Variants in GALC observed in about 807,000 individuals in gnomAD.
GALC encodes galactocerebrosidase.
Under a neutral mutation model 91.8 loss-of-function variants are expected in GALC, and 77 were observed. That is an observed-to-expected ratio of 0.84 (90% CI 0.70 to 1.01). GALC has a LOEUF of 1.01. GALC is among the 50% of genes least tolerant of loss of function. The pLI, the probability that GALC is intolerant of heterozygous loss-of-function variation, is 0.00. For missense variants in GALC, 882 were observed against 855.9 expected (o/e 1.03, Z -0.38); for synonymous variants, 357 against 306.7 (o/e 1.16, Z -1.71).
chr14:87,993,561 C>T (rs1479918772), upstream of GALC: 4 of 1,227,556 alleles, frequency 3.3e-6, no homozygotes, highest in Non-Finnish European at 4.6e-6. Flanking sequence ...ATTCCATTGT[C>T]ATCTTGGTGG....
chr14:87,934,223 A>G lies in GALC; in HGVS notation c.*509T>C. 7.2e-7 allele frequency: 1 copy of G among 1,385,018 alleles called. No homozygotes were observed. Among genetic ancestry groups the G allele is most frequent in the Non-Finnish European group, 9.3e-7 (1 of 1,070,990 alleles). The allele number at this position is 1,385,018 out of a possible 1,614,324, so 85.8% of individuals were successfully genotyped here. On this transcript the variant is annotated 3_prime_UTR_variant, in exon 17 of 17. Coordinates refer to ENST00000261304, the MANE Select transcript of GALC (RefSeq NM_000153.4). Reference sequence around the variant, plus strand: ...AGGAAAATAAAAAAATACTTTTTAGAGCATAAAGCATAACAGGTTGAAGTG... The same window carrying G: ...AGGAAAATAAAAAAATACTTTTTAGGGCATAAAGCATAACAGGTTGAAGTG...
intron 14 of GALC, among the ~76,000 whole-genome samples, chr14:87,943,223 CCAAG>C (rs1884929366): frequency 6.6e-6 from 1 of 151,962 alleles, no homozygotes; most frequent in South Asian, 2.1e-4. Flanking sequence ...CAAATTTGAT[CCAAG>C]AGAGTTCATC....
intron 6 of GALC, among the ~76,000 whole-genome samples, chr14:87,978,252 T>C (rs1322146075): frequency 6.6e-6 from 1 of 152,188 alleles, no homozygotes; most frequent in Non-Finnish European, 1.5e-5. Context: ...GGTTTCTCCA[T>C]GTTGGTCAGG....
intron 10 of GALC, among the ~76,000 whole-genome samples, chr14:87,958,528 C>T (rs143098277): frequency 1.3e-5 from 2 of 152,164 alleles, no homozygotes; most frequent in Non-Finnish European, 2.9e-5. Context: ...AGACCACAAA[C>T]AGTCAATGCA....
Position 87,934,120 on chromosome 14 carries a change from A to G in GALC, c.*612T>C, listed in dbSNP as rs967897033. ...TATCTATTACTGCAGAAATAGTGTTAGAGGTAGTTTATTAAAGAGGCATTT... is the reference window on the plus strand; with the variant it reads ...TATCTATTACTGCAGAAATAGTGTTGGAGGTAGTTTATTAAAGAGGCATTT... On this transcript the variant is annotated 3_prime_UTR_variant, in exon 17 of 17. Coordinates refer to ENST00000261304, the MANE Select transcript of GALC (RefSeq NM_000153.4). 6.9e-7 allele frequency: 1 copy of G among 1,455,468 alleles called. No individual in the cohort carries two copies. The highest frequency in any genetic ancestry group is 2.5e-5 in the East Asian group (1 of 40,120). 90.2% of individuals were successfully genotyped at this position (1,455,468 alleles called of 1,614,324 possible). A position where few individuals can be genotyped will look rare whatever the true frequency, so the allele number is the denominator to read the frequency against.
At position 87,976,413 on chromosome 14, in the gene GALC, T is replaced by C. The variant is rs2140016220; in HGVS notation, c.697A>G (p.Ile233Val). 1 of 1,613,958 alleles carries C rather than the reference T, an allele frequency of 6.2e-7. No homozygotes were observed. Among genetic ancestry groups the C allele is most frequent in the Non-Finnish European group, 8.5e-7 (1 of 1,179,820 alleles). Residue 233 changes from isoleucine (I) to valine (V), a missense_variant, in exon 7 of 17, where the codon ATC (isoleucine) becomes GTC (valine). Coordinates refer to ENST00000261304, the MANE Select transcript of GALC (RefSeq NM_000153.4). The part of the protein sequence containing the change: ...IIASDNLWES[I>V]SASMLLDAEL... ...GCATCAAGGAGCATGGATGCAGAGA[T>C]GGACTCCCAGAGATTATCACTTGCT...
chr14:87,992,360 G>C (rs1887236464), intron 1 of GALC: 3 of 1,535,590 alleles, frequency 2.0e-6, no homozygotes, highest in Admixed American at 3.9e-5. Context: ...GGTAGTTTCA[G>C]GCCGCTCGCT....
At chr14:87,991,519 T>TA (rs1468427650) in intron 1 of GALC, among the ~76,000 whole-genome samples, 1 of 152,182 alleles carries the variant, frequency 6.6e-6, no homozygotes, top group African/African-American at 2.4e-5. Context: ...CTTAACTACT[T>TA]ACTGTACCAT....
rs1887244207 is a variant in GALC at position 87,992,460 on chromosome 14, T to TA, written c.195+509dup. 1.9e-5 allele frequency: 29 copies of TA among 1,534,304 alleles called. 1 individual carries two copies. In the South Asian group the frequency reaches 3.1e-4, roughly 16 times the overall value. On this transcript the variant is annotated intron_variant, in intron 1 of 16. Transcript: ENST00000261304. ...TACCCTCTCTGGAGGAGCCCATTCTTACCCTGCACTAACAACTGCACGGGA... is the reference window on the plus strand; with the variant it reads ...TACCCTCTCTGGAGGAGCCCATTCTTAACCCTGCACTAACAACTGCACGGGA...
chr14:87,974,279 T>A (rs1243471396), intron 7 of GALC, among the ~76,000 whole-genome samples: 2 of 152,104 alleles, frequency 1.3e-5, no homozygotes, highest in Non-Finnish European at 1.5e-5. Context: ...CAAATCCTAA[T>A]GAAAAGAAAG....
At position 87,933,776 on chromosome 14, in the gene GALC, A is replaced by T; in HGVS notation, c.*956T>A. On this transcript the variant is annotated 3_prime_UTR_variant, in exon 17 of 17. Coordinates refer to ENST00000261304, the MANE Select transcript of GALC (RefSeq NM_000153.4). ...TATATTTAAATATAAACATATTTGG[A>T]CTTTAAAAAGTAAGTACATCTTAGG... The T allele has an allele frequency of 2.0e-6, 1 of 508,126 alleles. No individual in the cohort carries two copies. The highest frequency in any genetic ancestry group is 3.5e-6 in the Non-Finnish European group (1 of 286,378). The allele number at this position is 508,126 out of a possible 1,614,324, so 31.5% of individuals were successfully genotyped here.
intron 10 of GALC, chr14:87,954,389 T>G (rs1885431444): frequency 2.5e-6 from 4 of 1,599,428 alleles, no homozygotes; most frequent in Non-Finnish European, 3.4e-6. Flanking sequence ...AGATCAACAT[T>G]ATGTGCTTGT....
chr14:87,978,867 C>T (rs995284901), intron 6 of GALC, among the ~76,000 whole-genome samples: 1 of 151,220 alleles, frequency 6.6e-6, no homozygotes, highest in South Asian at 2.1e-4. Flanking sequence ...CCCTTGTCAT[C>T]TTTATATAAA....
At chr14:87,993,385 C>T, upstream of GALC, 1 of 1,535,788 alleles carries the variant, frequency 6.5e-7, no homozygotes, top group Non-Finnish European at 8.7e-7. Flanking sequence ...GTACTTACTG[C>T]TGGCTTCTCT....
At chr14:87,956,681 G>C (rs1319735248) in intron 10 of GALC, among the ~76,000 whole-genome samples, 1 of 151,198 alleles carries the variant, frequency 6.6e-6, no homozygotes, top group Non-Finnish European at 1.5e-5. Flanking sequence ...GGGCACTTAG[G>C]TTGATTCCAT....
chr14:87,988,408 A>G, intron 2 of GALC, 47 bp downstream of exon 2: 1 of 1,408,914 alleles, frequency 7.1e-7, no homozygotes, highest in Non-Finnish European at 1.0e-6. Context: ...TCACCATCCA[A>G]TTTCTAAAAT....
At chr14:87,973,133 T>G (rs1178301458) in intron 7 of GALC, among the ~76,000 whole-genome samples, 1 of 152,152 alleles carries the variant, frequency 6.6e-6, no homozygotes, top group Non-Finnish European at 1.5e-5. Context: ...TTTACACATA[T>G]TTGAGAATTA....
chr14:87,952,822 G>C (rs1885367191), intron 10 of GALC: 2 of 1,401,774 alleles, frequency 1.4e-6, no homozygotes, highest in South Asian at 1.2e-5. Context: ...CACTCCTCTA[G>C]ACTGAGTGAG....
chr14:87,968,421 T>C lies in GALC; in HGVS notation c.822A>G (p.Glu274=), dbSNP rs750448899. The C allele has an allele frequency of 6.2e-7, 1 of 1,613,888 alleles. No individual in the cohort carries two copies. Among genetic ancestry groups the C allele is most frequent in the Non-Finnish European group, 8.5e-7 (1 of 1,179,834 alleles). Residue 274 remains glutamate, a synonymous_variant, in exon 8 of 17, where the codon GAA becomes GAG. Coordinates refer to ENST00000261304, the MANE Select transcript of GALC (RefSeq NM_000153.4). ...TGTCACTATTTAAAGTGCTAAAGTC[T>C]TCAGAAGACCAAAGCTTCTTCCCAG... ...KLTGKKLWSS[E]DFSTLNSDMG...
Sources: allele counts gnomAD v4.1 joint callset (sites outside exome capture counted in the v4.1 genomes callset), GRCh38; gene constraint gnomAD v4.1.1; transcripts MANE v1.5; gene names NCBI Gene and HGNC (gene_info 2026-07-23, HGNC 2026-07-21).